NFX1: variants seen among roughly 807,000 people sequenced by gnomAD.
The protein encoded by NFX1 is nuclear transcription factor, X-box binding 1.
A neutral mutation model predicts 137.2 loss-of-function variants in NFX1; 69 were observed. The observed-to-expected ratio is 0.50, with a 90% confidence interval of 0.41 to 0.61. The LOEUF (loss-of-function observed/expected upper bound fraction) is 0.61. Among genes scored for constraint, NFX1 ranks in the 20% least tolerant of loss-of-function variants. The pLI, the probability that NFX1 is intolerant of heterozygous loss-of-function variation, is 0.00. For missense variants in NFX1, 1,167 were observed against 1,391.0 expected (o/e 0.84, Z 2.56); for synonymous variants, 495 against 474.1 (o/e 1.04, Z -0.57).
chr9:33,296,723 T>TG (rs1477554453), intron 2 of NFX1, among the ~76,000 whole-genome samples: 67 of 152,150 alleles, frequency 4.4e-4, no homozygotes, highest in African/African-American at 1.3e-3. Flanking sequence ...GACCCTGTTT[T>TG]GCGGGGGGAA....
intron 2 of NFX1, among the ~76,000 whole-genome samples, chr9:33,299,560 C>G (rs1564101613): frequency 6.6e-6 from 1 of 152,068 alleles, no homozygotes; most frequent in Non-Finnish European, 1.5e-5. Flanking sequence ...TAGTGGCACA[C>G]GCTTGTGGTC....
At chr9:33,305,225 G>T (rs1821710851) in intron 4 of NFX1, among the ~76,000 whole-genome samples, 1 of 152,212 alleles carries the variant, frequency 6.6e-6, no homozygotes, top group South Asian at 2.1e-4. Context: ...TACTATGGGA[G>T]ATCTTTGGGG....
chr9:33,347,246 A>T (rs935203550), intron 15 of NFX1, 129 bp downstream of exon 15: 1 of 681,336 alleles, frequency 1.5e-6, no homozygotes, highest in Non-Finnish European at 2.5e-6. Flanking sequence ...TTGCTTAAAA[A>T]TTTTTTCTTA....
chr9:33,295,766 G>A (rs538242815), intron 2 of NFX1, among the ~76,000 whole-genome samples: 5 of 152,224 alleles, frequency 3.3e-5, no homozygotes, highest in African/African-American at 9.6e-5. Context: ...AGTGGTGGGT[G>A]GTAACATCTC....
At chr9:33,302,456 G>T (rs1821605317) in intron 3 of NFX1, among the ~76,000 whole-genome samples, 1 of 147,860 alleles carries the variant, frequency 6.8e-6, no homozygotes, top group Non-Finnish European at 1.5e-5. Flanking sequence ...TGAATTCCTG[G>T]ACTCAAATGA....
At chr9:33,294,388 C>G (rs755837540) in intron 1 of NFX1, 32 bp from the exon 2 acceptor site, 4 of 1,519,152 alleles carry the variant, frequency 2.6e-6, no homozygotes, top group Non-Finnish European at 3.5e-6. Context: ...AGTTTAATCT[C>G]TTTACTGGCA....
Position 33,347,021 on chromosome 9 carries a change from C to T in NFX1, c.2345-17C>T. ...TATTTAGAAAGTATTCCTAAAGTTA[C>T]CTTTCTCTTTCTGCAGTATATCATT... is the stretch of plus-strand genomic sequence containing the variant. On this transcript the variant is annotated splice_polypyrimidine_tract_variant and intron_variant, in intron 14 of 23. Transcript: ENST00000379540. 6.3e-7 allele frequency: 1 copy of T among 1,593,228 alleles called. No homozygotes were observed. The highest frequency in any genetic ancestry group is 2.2e-5 in the East Asian group (1 of 44,588).
intron 20 of NFX1, 61 bp downstream of exon 20, chr9:33,364,169 A>G (rs950133360): frequency 4.3e-6 from 5 of 1,168,010 alleles, no homozygotes; most frequent in South Asian, 2.8e-5. Flanking sequence ...GTCTTTTGAG[A>G]TGTCATAACT....
chr9:33,363,439 A>T (rs1157772002), intron 19 of NFX1, among the ~76,000 whole-genome samples: 1 of 151,664 alleles, frequency 6.6e-6, no homozygotes, highest in African/African-American at 2.4e-5. Context: ...ACGTGCTACC[A>T]CACCCGGCTA....
intron 5 of NFX1, among the ~76,000 whole-genome samples, chr9:33,310,114 T>C (rs888679345): frequency 4.6e-5 from 7 of 152,222 alleles, no homozygotes; most frequent in African/African-American, 1.4e-4. Context: ...CTGGATTGTT[T>C]TCAATGTTTA....
At chr9:33,291,990 G>T (rs897974115) in intron 1 of NFX1, among the ~76,000 whole-genome samples, 1 of 152,100 alleles carries the variant, frequency 6.6e-6, no homozygotes, top group Non-Finnish European at 1.5e-5. Context: ...AAAACTTTTT[G>T]GGCTGGGTAT....
intron 12 of NFX1, among the ~76,000 whole-genome samples, chr9:33,339,389 T>G (rs1564132480): frequency 6.6e-6 from 1 of 152,122 alleles, no homozygotes; most frequent in Non-Finnish European, 1.5e-5. Context: ...CCATCAGATC[T>G]CATGAGACTT....
intron 15 of NFX1, among the ~76,000 whole-genome samples, chr9:33,350,304 A>C (rs1451684021): frequency 3.7e-5 from 5 of 135,336 alleles, no homozygotes; most frequent in South Asian, 2.3e-4. Context: ...ACTCCATCTC[A>C]AAAAAAAAAA....
intron 3 of NFX1, among the ~76,000 whole-genome samples, chr9:33,302,725 A>G (rs558258660): frequency 6.6e-6 from 1 of 151,144 alleles, no homozygotes; most frequent in Non-Finnish European, 1.5e-5. Flanking sequence ...GCTGGAGTGC[A>G]GTGGCACGAT....
chr9:33,353,975 C>A, intron 17 of NFX1, 111 bp from the exon 18 acceptor site: 2 of 965,682 alleles, frequency 2.1e-6, no homozygotes, highest in Non-Finnish European at 1.5e-6. Context: ...CAGGCGTGAG[C>A]CACCACACCT....
intron 6 of NFX1, among the ~76,000 whole-genome samples, chr9:33,311,557 A>AT (rs34822919): frequency 0.07 from 10,214 of 146,764 alleles, 809 homozygotes; most frequent in African/African-American, 0.19. Context: ...AGTGACAAGG[A>AT]TTTTTTTTTT....
At chr9:33,293,500 A>G (rs2118150377) in intron 1 of NFX1, among the ~76,000 whole-genome samples, 1 of 152,350 alleles carries the variant, frequency 6.6e-6, no homozygotes, top group East Asian at 1.9e-4. Context: ...TACTATCTTC[A>G]TTACATGTAA....
chr9:33,323,778 CA>C (rs906468357), intron 9 of NFX1, among the ~76,000 whole-genome samples: 6 of 149,030 alleles, frequency 4.0e-5, no homozygotes, highest in African/African-American at 1.5e-4. Context: ...CAAAAAAAAA[CA>C]AATAAATAAA....
intron 5 of NFX1, among the ~76,000 whole-genome samples, chr9:33,309,982 G>A (rs1821905484): frequency 6.6e-6 from 1 of 152,126 alleles, no homozygotes; most frequent in African/African-American, 2.4e-5. Flanking sequence ...AAGGATTGAG[G>A]TATATATAAA....
Sources: gnomAD v4.1 joint callset for allele counts (sites outside exome capture counted in the v4.1 genomes callset) on GRCh38, gnomAD v4.1.1 for gene constraint, MANE v1.5 for transcripts, NCBI Gene and HGNC (gene_info 2026-07-23, HGNC 2026-07-21) for gene names.